WDR70: variants seen among roughly 807,000 people sequenced by gnomAD.
The protein encoded by WDR70 is WD repeat-containing protein 70.
Under a neutral mutation model 88.6 loss-of-function variants are expected in WDR70, and 53 were observed. The ratio of observed to expected loss-of-function variants is 0.60; its 90% confidence interval spans 0.48 to 0.75. The LOEUF is 0.75. Ranked by LOEUF, WDR70 falls within the 30% of genes least tolerant of loss-of-function variation. WDR70 has a pLI of 0.00. For synonymous variants in WDR70, 280 were observed against 270.0 expected, an observed-to-expected ratio of 1.04 and a Z score of -0.36; for missense variants, 610 against 823.2, an observed-to-expected ratio of 0.74 and a Z score of 3.17.
chr5:37,429,113 A>G (rs79949466), intron 5 of WDR70, among the ~76,000 whole-genome samples: 16,384 of 152,224 alleles, frequency 0.11, 1,023 homozygotes, highest in African/African-American at 0.16. Flanking sequence ...TGGGACTGCA[A>G]TGTGCATCGC....
At chr5:37,624,193 C>T (rs948339236) in intron 10 of WDR70, among the ~76,000 whole-genome samples, 9 of 152,130 alleles carry the variant, frequency 5.9e-5, no homozygotes, top group African/African-American at 1.9e-4. Context: ...AAATCTCTTT[C>T]TAACCCTCCC....
At chr5:37,494,275 A>G (rs2112199827) in intron 8 of WDR70, among the ~76,000 whole-genome samples, 1 of 152,338 alleles carries the variant, frequency 6.6e-6, no homozygotes, top group East Asian at 1.9e-4. Flanking sequence ...TAGGGCCTTC[A>G]GTAGAATTGT....
intron 14 of WDR70, chr5:37,721,647 A>T (rs954112874): frequency 1.2e-5 from 2 of 165,566 alleles, no homozygotes; most frequent in African/African-American, 4.8e-5. Flanking sequence ...TGGCAAGATT[A>T]TTCTCTGTCC....
intron 8 of WDR70, among the ~76,000 whole-genome samples, chr5:37,509,866 G>C (rs1409676302): frequency 6.8e-6 from 1 of 147,082 alleles, no homozygotes; most frequent in East Asian, 2.0e-4. Context: ...TTAGTTTCTA[G>C]CCTGTGCAGT....
chr5:37,441,817 C>CA lies in WDR70; in HGVS notation c.553-1414dup, dbSNP rs201026434. 2.6e-4 allele frequency among the ~76,000 whole-genome samples: 39 copies of CA among 151,124 alleles called. No homozygotes were observed. The South Asian group carries it at 4.2e-3, about 16-fold the overall frequency. On this transcript the variant is annotated intron_variant, in intron 6 of 17. Coordinates refer to ENST00000265107, the MANE Select transcript of WDR70 (RefSeq NM_018034.4). ...TGGATGACAGAGTGAGACTCTGTCT[C>CA]AAAAAAAACAAAACAAAAAAACCTT...
chr5:37,736,054 A>G (rs980949543), intron 17 of WDR70, among the ~76,000 whole-genome samples: 19 of 152,198 alleles, frequency 1.2e-4, no homozygotes, highest in African/African-American at 4.6e-4. Context: ...TCAGCTACAC[A>G]TAGGCAGATT....
chr5:37,688,636 G>A lies in WDR70; in HGVS notation c.1093-9019G>A, dbSNP rs760109902. On this transcript the variant is annotated intron_variant, in intron 10 of 17. Coordinates refer to ENST00000265107, the MANE Select transcript of WDR70 (RefSeq NM_018034.4). ...TTATTGAGGTTGGTAGCAGAGTTTC[G>A]TTTGTCCTAGGAACAGAATATTCCC... Among the ~76,000 whole-genome samples, 47 of 147,922 alleles carry A rather than the reference G, an allele frequency of 3.2e-4. 1 individual carries two copies. Among genetic ancestry groups the A allele is most frequent in the Non-Finnish European group, 1.5e-4 (10 of 66,674 alleles).
At chr5:37,697,871 C>A in intron 11 of WDR70, 117 bp downstream of exon 11, 1 of 679,458 alleles carries the variant, frequency 1.5e-6, no homozygotes, top group Non-Finnish European at 2.4e-6. Flanking sequence ...GTTAATGCAC[C>A]TTTGCCAGTC....
chr5:37,438,803 T>G (rs1017420138), intron 6 of WDR70, among the ~76,000 whole-genome samples: 1 of 152,182 alleles, frequency 6.6e-6, no homozygotes, highest in African/African-American at 2.4e-5. Flanking sequence ...TTATTGTTAT[T>G]TTAAATGAAA....
intron 17 of WDR70, among the ~76,000 whole-genome samples, chr5:37,739,879 C>T (rs1561099773): frequency 6.6e-6 from 1 of 152,024 alleles, no homozygotes; most frequent in Non-Finnish European, 1.5e-5. Flanking sequence ...TATTTCTTAA[C>T]ATCAGTGTAC....
chr5:37,483,938 G>T lies in WDR70; in HGVS notation c.840+3951G>T, dbSNP rs558609517. On this transcript the variant is annotated intron_variant, in intron 8 of 17. Coordinates refer to ENST00000265107, the MANE Select transcript of WDR70 (RefSeq NM_018034.4). ...GACGGGGTCGCGGCCGGGCAGAGGC[G>T]CTCCTCACATCCCAGACGGGGCGGC... Among the ~76,000 whole-genome samples, 441 of 150,656 alleles carry T rather than the reference G, an allele frequency of 2.9e-3. 3 individuals carry two copies. Among genetic ancestry groups the T allele is most frequent in the Non-Finnish European group, 4.7e-3 (319 of 67,740 alleles).
At chr5:37,452,098 C>A (rs1738694028) in intron 7 of WDR70, among the ~76,000 whole-genome samples, 1 of 152,104 alleles carries the variant, frequency 6.6e-6, no homozygotes, top group Admixed American at 6.6e-5. Context: ...AATCATTGTT[C>A]TAGTTTCTGA....
rs564269221 is a variant in WDR70, at chr5:37,489,614, G to T, written c.840+9627G>T. On this transcript the variant is annotated intron_variant, in intron 8 of 17. Transcript: ENST00000265107. ...TAGATGGCATGCTTAGGCACTGGCA[G>T]TAGGTTTTCTGGCCTGTTATTATGC... Among the ~76,000 whole-genome samples, 1,121 of 152,214 alleles carry T rather than the reference G, an allele frequency of 7.4e-3. 17 individuals carry two copies. Among genetic ancestry groups the T allele is most frequent in the African/African-American group, 0.025 (1,055 of 41,530 alleles).
chr5:37,543,260 A>G (rs1165422696), intron 9 of WDR70, among the ~76,000 whole-genome samples: 2 of 152,158 alleles, frequency 1.3e-5, no homozygotes, highest in African/African-American at 4.8e-5. Context: ...AAGCAATGAT[A>G]TATGATGGTT....
At chr5:37,694,545 A>C (rs7709345) in intron 10 of WDR70, among the ~76,000 whole-genome samples, 3,626 of 152,030 alleles carry the variant, frequency 0.024, 148 homozygotes, top group African/African-American at 0.083. Flanking sequence ...CATGTCTTTC[A>C]GGGACATGGA....
chr5:37,425,248 C>T (rs1017444469), intron 5 of WDR70, among the ~76,000 whole-genome samples: 2 of 152,046 alleles, frequency 1.3e-5, no homozygotes, highest in Non-Finnish European at 2.9e-5. Flanking sequence ...GAGACCCTAT[C>T]TCAAAAAAAC....
chr5:37,471,571 CT>C (rs1433183295), intron 7 of WDR70, among the ~76,000 whole-genome samples: 1 of 151,346 alleles, frequency 6.6e-6, no homozygotes, highest in African/African-American at 2.4e-5. Context: ...TGTTTTGTCA[CT>C]GTTTGTGATG....
At position 37,500,886 on chromosome 5, in the gene WDR70, C is replaced by T. The variant is rs538230995; in HGVS notation, c.841-15628C>T. On this transcript the variant is annotated intron_variant, in intron 8 of 17. Transcript: ENST00000265107. ...GATAGTAGCTGGGATTACAGGTGTGCGCCACCACACCTGGCTAATTTTTTG... is the reference window on the plus strand; with the variant it reads ...GATAGTAGCTGGGATTACAGGTGTGTGCCACCACACCTGGCTAATTTTTTG... 6.2e-4 allele frequency among the ~76,000 whole-genome samples: 94 copies of T among 151,812 alleles called. 1 individual carries two copies. Among genetic ancestry groups the T allele is most frequent in the Non-Finnish European group, 1.3e-3 (87 of 67,914 alleles).
chr5:37,550,200 A>G (rs1292875086), intron 9 of WDR70, among the ~76,000 whole-genome samples: 2 of 152,158 alleles, frequency 1.3e-5, no homozygotes, highest in African/African-American at 4.8e-5. Context: ...ATGGTTTTTC[A>G]GCACCAATTG....
Sources: gnomAD v4.1 joint callset for allele counts (sites outside exome capture counted in the v4.1 genomes callset) on GRCh38, gnomAD v4.1.1 for gene constraint, MANE v1.5 for transcripts, NCBI Gene and HGNC (gene_info 2026-07-23, HGNC 2026-07-21) for gene names.